Variants in CADPS observed in about 807,000 individuals in gnomAD.
CADPS encodes calcium dependent secretion activator, also known as calcium-dependent secretion activator 1.
In CADPS, 57 loss-of-function variants were observed where a neutral mutation model predicts 167.3. The observed-to-expected ratio is 0.34, with a 90% CI of 0.28 to 0.42. CADPS has a LOEUF of 0.42. CADPS is among the 20% of genes least tolerant of loss of function. CADPS has a pLI of 1.00. For missense variants in CADPS, 1,414 were observed against 1,738.1 expected, an observed-to-expected ratio of 0.81 and a Z score of 3.32; for synonymous variants, 676 against 635.3, an observed-to-expected ratio of 1.06 and a Z score of -0.96.
chr3:62,788,196 T>G (rs2092630970), intron 1 of CADPS, among the ~76,000 whole-genome samples: 2 of 152,186 alleles, frequency 1.3e-5, no homozygotes, highest in Admixed American at 6.5e-5. Context: ...CCTTTTCTCA[T>G]TAGATACCTC....
intron 3 of CADPS, among the ~76,000 whole-genome samples, chr3:62,716,184 CA>C (rs1182464411): frequency 6.6e-6 from 1 of 152,136 alleles, no homozygotes; most frequent in Non-Finnish European, 1.5e-5. Context: ...ATCAGCCTCC[CA>C]AGTAGCTGGG....
At chr3:62,592,616 C>T (rs1173206871) in intron 7 of CADPS, 21 bp downstream of exon 7, 1 of 1,582,704 alleles carries the variant, frequency 6.3e-7, no homozygotes, top group South Asian at 1.1e-5. Context: ...TGGAGTTCCC[C>T]TTGTGATAAG....
intron 1 of CADPS, among the ~76,000 whole-genome samples, chr3:62,849,672 G>A (rs1438684836): frequency 2.2e-5 from 3 of 138,400 alleles, no homozygotes; most frequent in Admixed American, 7.3e-5. Flanking sequence ...TGCTGGATTC[G>A]GTTTGCCAGT....
chr3:62,567,882 C>T (rs1233482366), intron 9 of CADPS, among the ~76,000 whole-genome samples: 3 of 152,072 alleles, frequency 2.0e-5, no homozygotes, highest in Non-Finnish European at 4.4e-5. Context: ...GACAGCACTG[C>T]CTCTTGATGT....
chr3:62,469,083 T>C (rs1297130484), intron 24 of CADPS, among the ~76,000 whole-genome samples: 1 of 152,230 alleles, frequency 6.6e-6, no homozygotes, highest in Non-Finnish European at 1.5e-5. Flanking sequence ...TATTTTGTTG[T>C]ATGTAAATTA....
chr3:62,663,765 A>G (rs1294210709), intron 3 of CADPS, among the ~76,000 whole-genome samples: 1 of 152,184 alleles, frequency 6.6e-6, no homozygotes, highest in Non-Finnish European at 1.5e-5. Context: ...TTTACAAAAC[A>G]CATTGAAAAT....
At chr3:62,777,779 G>A (rs1030566012) in intron 1 of CADPS, among the ~76,000 whole-genome samples, 2 of 152,144 alleles carry the variant, frequency 1.3e-5, no homozygotes, top group Non-Finnish European at 2.9e-5. Flanking sequence ...AAAGGGATCC[G>A]AATACAGCAG....
intron 11 of CADPS, among the ~76,000 whole-genome samples, chr3:62,539,320 G>A (rs1333521279): frequency 1.3e-5 from 2 of 152,084 alleles, no homozygotes; most frequent in African/African-American, 4.8e-5. Flanking sequence ...CACTATGTGT[G>A]GAATGGAGCT....
rs554197608 is a variant in CADPS, at chr3:62,855,091, A to ATTTT, written c.441+19494_441+19497dup. ...AGGCACGTGCCATCATGCCCGGCTAATTTTTTTTTTTTTTTTTTGTCTTTT... is the reference window on the plus strand; with the variant it reads ...AGGCACGTGCCATCATGCCCGGCTAATTTTTTTTTTTTTTTTTTTTTTGTCTTTT... On this transcript the variant is annotated intron_variant, in intron 1 of 29. Transcript: ENST00000383710. Among the ~76,000 whole-genome samples the ATTTT allele has an allele frequency of 3.1e-3, 287 of 92,704 alleles. 10 individuals are homozygous for ATTTT. Among genetic ancestry groups the ATTTT allele is most frequent in the Middle Eastern group, 0.01 (1 of 98 alleles). 60.8% of individuals were successfully genotyped at this position (92,704 alleles called of 152,430 possible).
chr3:62,466,483 A>G, intron 24 of CADPS, 70 bp from the exon 25 acceptor site: 1 of 961,558 alleles, frequency 1.0e-6, no homozygotes, highest in Non-Finnish European at 1.7e-6. Context: ...AGTAATTTTT[A>G]GACAACTTAA....
intron 27 of CADPS, among the ~76,000 whole-genome samples, chr3:62,442,783 T>C (rs531621480): frequency 1.3e-5 from 2 of 152,144 alleles, no homozygotes; most frequent in Non-Finnish European, 2.9e-5. Context: ...CCAGGTGACC[T>C]TGGGCATGCT....
In CADPS at chr3:62,685,891, T is replaced by A. The variant is rs140244884; in HGVS notation, c.889-23497A>T. On this transcript the variant is annotated intron_variant, in intron 3 of 29. Coordinates refer to ENST00000383710, the MANE Select transcript of CADPS (RefSeq NM_003716.4). ...CAGGCAGTAATGCCTGGTACCTGAC[T>A]GTGGCCTGGGGGTTAGGGACCCCTG... Among the ~76,000 whole-genome samples, 677 of 152,200 alleles carry A rather than the reference T, an allele frequency of 4.4e-3. 4 individuals are homozygous for A. The highest frequency in any genetic ancestry group is 8.4e-3 in the Non-Finnish European group (570 of 67,998).
At chr3:62,791,375 C>A (rs2092931171) in intron 1 of CADPS, among the ~76,000 whole-genome samples, 1 of 152,134 alleles carries the variant, frequency 6.6e-6, no homozygotes, top group Admixed American at 6.5e-5. Flanking sequence ...CCATATTGTG[C>A]AGCTCAGGTT....
intron 1 of CADPS, among the ~76,000 whole-genome samples, chr3:62,809,358 AC>A (rs1164522859): frequency 6.6e-6 from 1 of 152,188 alleles, no homozygotes; most frequent in Admixed American, 6.6e-5. Context: ...CTGTGATGTC[AC>A]TACCTTTGCC....
chr3:62,752,047 TTAGGAACACTTGACTCTCTC>T (rs1156429992), intron 3 of CADPS, among the ~76,000 whole-genome samples: 1 of 152,080 alleles, frequency 6.6e-6, no homozygotes, highest in Non-Finnish European at 1.5e-5. Flanking sequence ...CCTAGAAGGT[TTAGGAACACTTGACTCTCTC>T]TGTAATTCTG....
chr3:62,749,708 C>G (rs1331869841), intron 3 of CADPS, among the ~76,000 whole-genome samples: 6 of 152,212 alleles, frequency 3.9e-5, no homozygotes, highest in Non-Finnish European at 8.8e-5. Flanking sequence ...TCTTTGCTGC[C>G]TGTCTACATA....
chr3:62,841,805 A>G (rs1472460726), intron 1 of CADPS, among the ~76,000 whole-genome samples: 1 of 152,222 alleles, frequency 6.6e-6, no homozygotes, highest in Admixed American at 6.5e-5. Flanking sequence ...CCTTGGAACT[A>G]TGTCTGCCAA....
rs141260274 is a variant in CADPS, at chr3:62,523,622, T to C, written c.2292-5372A>G. ...TTAATTCAAAGCTTACAATGATCTA[T>C]ATGTTCTGATATTGCATCTATTTGG... On this transcript the variant is annotated intron_variant, in intron 13 of 29. Coordinates refer to ENST00000383710, the MANE Select transcript of CADPS (RefSeq NM_003716.4). Among the ~76,000 whole-genome samples the C allele has an allele frequency of 2.0e-3, 303 of 152,344 alleles. 2 individuals carry two copies. The Middle Eastern group carries it at 0.034, about 17-fold the overall frequency.
At chr3:62,484,330 A>C (rs900890844) in intron 21 of CADPS, among the ~76,000 whole-genome samples, 4 of 152,210 alleles carry the variant, frequency 2.6e-5, no homozygotes, top group African/African-American at 7.2e-5. Context: ...TATTTTACTA[A>C]TATACATGTG....
Sources: allele counts gnomAD v4.1 joint callset (sites outside exome capture counted in the v4.1 genomes callset), GRCh38; gene constraint gnomAD v4.1.1; transcripts MANE v1.5; gene names NCBI Gene and HGNC (gene_info 2026-07-23, HGNC 2026-07-21).